The following SPECC1 variants were observed in gnomAD, a reference collection of about 807,000 sequenced individuals.
SPECC1 encodes sperm antigen with calponin homology and coiled-coil domains 1.
In SPECC1, 62 loss-of-function variants were observed where a neutral mutation model predicts 104.1. The observed-to-expected ratio is 0.60, with a 90% CI of 0.49 to 0.74. The LOEUF (loss-of-function observed/expected upper bound fraction) is 0.74, where lower values mean the gene tolerates loss of function less well. Among genes scored for constraint, SPECC1 ranks in the 30% least tolerant of loss-of-function variants. The pLI is 0.00. For missense variants in SPECC1, 1,306 were observed against 1,310.5 expected (o/e 1.00, Z 0.05); for synonymous variants, 513 against 501.6 (o/e 1.02, Z -0.30).
rs553638636 is a variant in SPECC1 at position 20,104,809 on chromosome 17, A to G, written c.148-5618A>G. On this transcript the variant is annotated intron_variant, in intron 2 of 14. Transcript: ENST00000395527. ...TTGGAGGTGAGGAGACTGAGCTACC[A>G]GATCCAAACCTTTCCAGGGCTCCAT... Among the ~76,000 whole-genome samples, 5 of 151,142 alleles carry G rather than the reference A, an allele frequency of 3.3e-5. No individual in the cohort carries two copies. The South Asian group carries it at 1.1e-3, about 32-fold the overall frequency.
chr17:20,305,484 G>A (rs1003491359), intron 13 of SPECC1, among the ~76,000 whole-genome samples: 6 of 152,100 alleles, frequency 3.9e-5, no homozygotes, highest in Non-Finnish European at 5.9e-5. Context: ...CATATGTCCT[G>A]GAGGAAGTCA....
At chr17:20,247,430 T>C in intron 9 of SPECC1, 111 bp downstream of exon 9, 1 of 666,888 alleles carries the variant, frequency 1.5e-6, no homozygotes, top group Non-Finnish European at 2.5e-6. Context: ...GTAGAGTATG[T>C]GTTTTGTAAA....
chr17:20,026,118 T>C (rs2044589763), intron 1 of SPECC1, among the ~76,000 whole-genome samples: 1 of 151,178 alleles, frequency 6.6e-6, no homozygotes, highest in African/African-American at 2.4e-5. Flanking sequence ...TATTAAATAT[T>C]TATCAGATAT....
At chr17:20,175,666 T>G (rs1343029197) in intron 3 of SPECC1, among the ~76,000 whole-genome samples, 3 of 152,210 alleles carry the variant, frequency 2.0e-5, no homozygotes, top group Admixed American at 6.5e-5. Flanking sequence ...TACTGAAAAT[T>G]GGTTGACTTT....
chr17:20,298,946 A>T (rs565921968), intron 13 of SPECC1, among the ~76,000 whole-genome samples: 4,501 of 45,532 alleles, frequency 0.099, 151 homozygotes, highest in African/African-American at 0.18. Context: ...AGAGAGAGAG[A>T]GAGTGTGTGT....
chr17:20,277,806 T>C (rs1359736978), intron 12 of SPECC1, among the ~76,000 whole-genome samples: 2 of 152,214 alleles, frequency 1.3e-5, no homozygotes, highest in African/African-American at 4.8e-5. Flanking sequence ...CTAGCCACCT[T>C]GTAGACGTGG....
At chr17:20,058,626 T>C (rs2152469194) in intron 1 of SPECC1, among the ~76,000 whole-genome samples, 1 of 152,182 alleles carries the variant, frequency 6.6e-6, no homozygotes, top group East Asian at 1.9e-4. Context: ...GCCACCGTAC[T>C]CCAGCCTGGG....
At chr17:20,313,562 TCAGCCCACGTAATGGCA>T (rs776386717) in intron 14 of SPECC1, among the ~76,000 whole-genome samples, 20 of 152,332 alleles carry the variant, frequency 1.3e-4, no homozygotes, top group Non-Finnish European at 1.8e-4. Flanking sequence ...TGTGAAATGC[TCAGCCCACGTAATGGCA>T]CAGCCCACGT....
intron 7 of SPECC1, among the ~76,000 whole-genome samples, chr17:20,243,229 T>A (rs1476894147): frequency 6.6e-6 from 1 of 152,240 alleles, no homozygotes; most frequent in African/African-American, 2.4e-5. Flanking sequence ...GTAGCAAGCC[T>A]TGAACAAGTG....
At chr17:20,083,648 G>A (rs1410971954) in intron 1 of SPECC1, among the ~76,000 whole-genome samples, 1 of 149,770 alleles carries the variant, frequency 6.7e-6, no homozygotes, top group Non-Finnish European at 1.5e-5. Context: ...TCACTGTTGA[G>A]GGAGAGTTAG....
chr17:20,216,052 A>C (rs1355835634), intron 4 of SPECC1, among the ~76,000 whole-genome samples: 1 of 152,232 alleles, frequency 6.6e-6, no homozygotes, highest in African/African-American at 2.4e-5. Context: ...AGATATTTTT[A>C]TATTCACTTT....
intron 3 of SPECC1, among the ~76,000 whole-genome samples, chr17:20,114,349 G>A (rs1233946269): frequency 7.2e-5 from 11 of 151,940 alleles, no homozygotes; most frequent in African/African-American, 2.4e-4. Flanking sequence ...ACACCACCAC[G>A]CCCAGCTAAT....
Position 20,239,878 on chromosome 17 carries a change from GTTTTTT to G in SPECC1, c.2352-6021_2352-6016del, listed in dbSNP as rs60216339. ...AGCACTTTAATTTGCATTTCGCTGAGTTTTTTTTTTTTTTTTTTTTTTTTTTTTTTT... is the reference window on the plus strand; with the variant it reads ...AGCACTTTAATTTGCATTTCGCTGAGTTTTTTTTTTTTTTTTTTTTTTTTT... On this transcript the variant is annotated intron_variant, in intron 7 of 14. Transcript: ENST00000395527. Among the ~76,000 whole-genome samples, 90 of 36,940 alleles carry G rather than the reference GTTTTTT, an allele frequency of 2.4e-3. 1 individual carries two copies. The highest frequency in any genetic ancestry group is 7.4e-3 in the African/African-American group (61 of 8,254). 24.2% of individuals were successfully genotyped at this position (36,940 alleles called of 152,430 possible).
intron 3 of SPECC1, among the ~76,000 whole-genome samples, chr17:20,157,726 A>G (rs1038687877): frequency 3.9e-5 from 6 of 152,222 alleles, no homozygotes; most frequent in Admixed American, 3.9e-4. Context: ...TGGATAGGAC[A>G]TAAAAAGAAT....
chr17:20,153,555 G>A (rs1597828848), intron 3 of SPECC1, among the ~76,000 whole-genome samples: 2 of 152,186 alleles, frequency 1.3e-5, no homozygotes, highest in African/African-American at 2.4e-5. Context: ...AGACAAGAGA[G>A]GCAAAGTCTG....
intron 3 of SPECC1, among the ~76,000 whole-genome samples, chr17:20,173,552 T>TA (rs1293746136): frequency 1.3e-5 from 2 of 152,354 alleles, no homozygotes; most frequent in East Asian, 3.9e-4. Flanking sequence ...CCCAGCAGTC[T>TA]AGCCATCTCA....
Position 20,110,540 on chromosome 17 carries a change from G to T in SPECC1, c.261G>T (p.Glu87Asp), listed in dbSNP as rs1371689611. Residue 87 changes from glutamate to aspartate, a missense_variant, in exon 3 of 15, where the codon GAG (glutamate) becomes GAT (aspartate). Physicochemically the swap from Glu to Asp is conservative, Grantham distance 45. This residue lies in a region of SPECC1 where 1,177 missense variants were observed against 1,139.9 expected (regional missense o/e 1.03). Transcript: ENST00000395527. ...CCGGAGCCATCTCGGAGCTCACGGA[G>T]AGCCGCCTGAGGAGCGGCACAGGTA... ...ATAGAISELT[E>D]SRLRSGTGAF... 6.2e-7 allele frequency: 1 copy of T among 1,613,586 alleles called. No homozygotes were observed. Among genetic ancestry groups the T allele is most frequent in the Non-Finnish European group, 8.5e-7 (1 of 1,179,910 alleles).
chr17:20,267,749 C>T (rs2040266086), intron 12 of SPECC1, among the ~76,000 whole-genome samples: 2 of 152,142 alleles, frequency 1.3e-5, no homozygotes, highest in African/African-American at 2.4e-5. Flanking sequence ...CCAGAAATTG[C>T]CATGTGGGTG....
chr17:20,273,406 A>G (rs1218220338), intron 12 of SPECC1, among the ~76,000 whole-genome samples: 1 of 151,214 alleles, frequency 6.6e-6, no homozygotes, highest in Non-Finnish European at 1.5e-5. Flanking sequence ...TGAACCTGGG[A>G]GGCGGAGGCG....
Sources: gnomAD v4.1 joint callset for allele counts (sites outside exome capture counted in the v4.1 genomes callset) on GRCh38, gnomAD v4.1.1 for gene constraint, gnomAD v4.1.1 regional missense constraint, MANE v1.5 for transcripts, NCBI Gene and HGNC (gene_info 2026-07-23, HGNC 2026-07-21) for gene names.